Variants in RPS6KC1 observed in about 807,000 individuals in gnomAD.
The protein encoded by RPS6KC1 is ribosomal protein S6 kinase C1.
Under a neutral mutation model 103.8 loss-of-function variants are expected in RPS6KC1, and 54 were observed. That is an observed-to-expected ratio of 0.52 (90% confidence interval 0.42 to 0.65). The LOEUF is 0.65. RPS6KC1 is among the 30% of genes least tolerant of loss of function. RPS6KC1 has a pLI of 0.00. For synonymous variants in RPS6KC1, 439 were observed against 438.7 expected (o/e 1.00, Z -0.01); for missense variants, 1,151 against 1,253.8 (o/e 0.92, Z 1.24).
the RPS6KC1 span, among the ~76,000 whole-genome samples, chr1:213,851,238 C>A: frequency 6.6e-6 from 1 of 152,140 alleles, no homozygotes; most frequent in Non-Finnish European, 1.5e-5. Context: ...ATGCAAAAAA[C>A]AAAAATCACC....
the RPS6KC1 span, among the ~76,000 whole-genome samples, chr1:213,464,718 A>G: frequency 2.0e-5 from 3 of 151,358 alleles, no homozygotes; most frequent in Admixed American, 1.3e-4. Flanking sequence ...GGTGCATGCC[A>G]TTGATTTCGG....
the RPS6KC1 span, among the ~76,000 whole-genome samples, chr1:213,808,297 G>A: frequency 1.3e-5 from 2 of 152,214 alleles, no homozygotes; most frequent in Non-Finnish European, 2.9e-5. Context: ...GAGAACCACT[G>A]CTCTCTTCAA....
intron 1 of RPS6KC1, among the ~76,000 whole-genome samples, chr1:213,054,296 A>G (rs760554165): frequency 6.6e-6 from 1 of 152,204 alleles, no homozygotes; most frequent in Non-Finnish European, 1.5e-5. Flanking sequence ...AATTGCACAG[A>G]CTGCCTTTTT....
chr1:213,486,640 T>C, the RPS6KC1 span, among the ~76,000 whole-genome samples: 3 of 152,166 alleles, frequency 2.0e-5, no homozygotes, highest in Non-Finnish European at 4.4e-5. Flanking sequence ...TTGGGGACAG[T>C]GAGACATGCC....
the RPS6KC1 span, chr1:213,820,536 G>A: frequency 6.6e-6 from 1 of 152,196 alleles, no homozygotes; most frequent in East Asian, 1.9e-4. Context: ...CTGGTGGCCT[G>A]AGCTTTGTCA....
chr1:213,695,092 C>T, the RPS6KC1 span, among the ~76,000 whole-genome samples: 57 of 152,310 alleles, frequency 3.7e-4, no homozygotes, highest in Non-Finnish European at 4.3e-4. Flanking sequence ...CTGTCTGATT[C>T]ATTCACTGCT....
Position 213,051,500 on chromosome 1 carries a change from C to T in RPS6KC1, c.96C>T (p.Val32=), listed in dbSNP as rs1056528953. The T allele has an allele frequency of 1.2e-6, 2 of 1,610,042 alleles. No homozygotes were observed. Among genetic ancestry groups the T allele is most frequent in the Non-Finnish European group, 1.7e-6 (2 of 1,177,598 alleles). ...RHPRGYTVYK[V]TARVVSRRNP... ...CGAGGGGCTACACAGTATATAAGGT[C>T]ACCGCCCGGGTGAGTGCCGGTGTCG... Residue 32 remains valine, a synonymous_variant, in exon 1 of 15, where the codon GTC becomes GTT. Transcript: ENST00000366960.
the RPS6KC1 span, among the ~76,000 whole-genome samples, chr1:213,740,974 A>C: frequency 2.8e-3 from 263 of 94,958 alleles, 5 homozygotes; most frequent in African/African-American, 8.4e-3. Flanking sequence ...ACATATATAT[A>C]TCAGATATAT....
intron 10 of RPS6KC1, among the ~76,000 whole-genome samples, chr1:213,239,335 G>GA (rs1024356771): frequency 5.1e-4 from 72 of 140,226 alleles, no homozygotes; most frequent in Admixed American, 5.7e-4. Flanking sequence ...GAGACTCTAA[G>GA]AAAAAAAAAA....
chr1:213,805,124 G>A, the RPS6KC1 span, among the ~76,000 whole-genome samples: 7 of 152,178 alleles, frequency 4.6e-5, no homozygotes, highest in Non-Finnish European at 1.0e-4. Flanking sequence ...AGCCTTCAGC[G>A]AATTGGCACC....
the RPS6KC1 span, among the ~76,000 whole-genome samples, chr1:213,507,277 G>T: frequency 1.2e-4 from 18 of 152,236 alleles, no homozygotes; most frequent in East Asian, 2.9e-3. Flanking sequence ...ACCTGAGCAC[G>T]CAACCTGCCT....
chr1:213,106,967 A>G (rs1002186213), intron 4 of RPS6KC1, among the ~76,000 whole-genome samples: 3 of 151,844 alleles, frequency 2.0e-5, no homozygotes, highest in African/African-American at 7.3e-5. Flanking sequence ...CTGAGACAGA[A>G]TCTCACTCTG....
chr1:213,503,574 A>G, the RPS6KC1 span, among the ~76,000 whole-genome samples: 2 of 152,336 alleles, frequency 1.3e-5, no homozygotes, highest in South Asian at 4.1e-4. Flanking sequence ...TCATTGTTCT[A>G]CAAAAGATGT....
the RPS6KC1 span, among the ~76,000 whole-genome samples, chr1:213,382,084 C>G: frequency 6.6e-6 from 1 of 152,198 alleles, no homozygotes; most frequent in Non-Finnish European, 1.5e-5. Context: ...TTTTTCCCTT[C>G]CGTGTTGGCT....
chr1:213,766,024 A>G, the RPS6KC1 span, among the ~76,000 whole-genome samples: 1 of 152,152 alleles, frequency 6.6e-6, no homozygotes, highest in African/African-American at 2.4e-5. Flanking sequence ...CAGATTAGGA[A>G]GCTTGGGGGA....
the RPS6KC1 span, among the ~76,000 whole-genome samples, chr1:213,310,342 T>C: frequency 6.6e-6 from 1 of 152,190 alleles, no homozygotes; most frequent in Non-Finnish European, 1.5e-5. Flanking sequence ...ACCTCTGTGA[T>C]GTCACCCGTA....
chr1:213,120,939 CAT>C (rs2084308448), intron 5 of RPS6KC1, among the ~76,000 whole-genome samples: 1 of 152,078 alleles, frequency 6.6e-6, no homozygotes, highest in African/African-American at 2.4e-5. Flanking sequence ...CTGAGGAAAA[CAT>C]GACGATCTGG....
chr1:213,120,384 A>G (rs2084247215), intron 5 of RPS6KC1, among the ~76,000 whole-genome samples: 1 of 152,232 alleles, frequency 6.6e-6, no homozygotes, highest in Admixed American at 6.5e-5. Flanking sequence ...GACAGCTTGC[A>G]AATTCATTGT....
the RPS6KC1 span, among the ~76,000 whole-genome samples, chr1:213,477,894 T>C: frequency 1.3e-5 from 2 of 152,162 alleles, no homozygotes; most frequent in African/African-American, 4.8e-5. Context: ...AACCAAAGTC[T>C]ATTGTTTACA....
Sources: gnomAD v4.1 joint callset for allele counts (sites outside exome capture counted in the v4.1 genomes callset) on GRCh38, gnomAD v4.1.1 for gene constraint, MANE v1.5 for transcripts, NCBI Gene and HGNC (gene_info 2026-07-23, HGNC 2026-07-21) for gene names.